The following MYCBP2 variants were observed in gnomAD, a reference collection of about 807,000 sequenced individuals.
MYCBP2 encodes the protein MYC binding protein 2.
A neutral mutation model predicts 525.3 loss-of-function variants in MYCBP2; 120 were observed. The observed-to-expected ratio is 0.23, with a 90% CI of 0.20 to 0.27. MYCBP2 has a LOEUF of 0.27. Among genes scored for constraint, MYCBP2 ranks in the 10% least tolerant of loss-of-function variants. MYCBP2 has a pLI of 1.00. For missense variants in MYCBP2, 4,149 were observed against 5,657.1 expected, an observed-to-expected ratio of 0.73 and a Z score of 8.55; for synonymous variants, 1,894 against 1,955.8, an observed-to-expected ratio of 0.97 and a Z score of 0.83.
chr13:77,165,442 A>G, intron 41 of MYCBP2, 51 bp from the exon 42 acceptor site: 1 of 1,344,946 alleles, frequency 7.4e-7, no homozygotes, highest in Non-Finnish European at 1.0e-6. Context: ...TTTTATAAAA[A>G]TTTCCCTGTC....
intron 65 of MYCBP2, among the ~76,000 whole-genome samples, chr13:77,080,344 G>A (rs1019848097): frequency 6.6e-6 from 1 of 152,236 alleles, no homozygotes; most frequent in East Asian, 1.9e-4. Context: ...TGGCACAGGA[G>A]AAGCCAGGCA....
chr13:77,210,201 T>TC (rs1347600264), intron 23 of MYCBP2, among the ~76,000 whole-genome samples: 5 of 151,640 alleles, frequency 3.3e-5, no homozygotes. Flanking sequence ...TAATTTTTTT[T>TC]TCTTTTTTTT....
chr13:77,051,939 G>C (rs755031984), intron 80 of MYCBP2, 21 bp from the exon 81 acceptor site: 37 of 1,594,158 alleles, frequency 2.3e-5, no homozygotes, highest in Non-Finnish European at 2.9e-5. Context: ...AACACATCTA[G>C]ATTACAGCAG....
chr13:77,321,901 C>T (rs1422836601), intron 1 of MYCBP2, among the ~76,000 whole-genome samples: 1 of 152,162 alleles, frequency 6.6e-6, no homozygotes, highest in South Asian at 2.1e-4. Context: ...TGGCTCACAC[C>T]CATAATCCCA....
At chr13:77,108,767 G>A (rs1040596616) in intron 55 of MYCBP2, among the ~76,000 whole-genome samples, 7 of 150,886 alleles carry the variant, frequency 4.6e-5, no homozygotes, top group East Asian at 1.9e-4. Flanking sequence ...GCAGAGGCAC[G>A]ATCTCAGCTC....
rs866554265 is a variant in MYCBP2, at chr13:77,070,328, G to T, written c.11904+303C>A. ...TACCAAGCTCATCCAACCTGCAGCC[G>T]GGGGACTGCCTGTGGCCCAGGATGG... On this transcript the variant is annotated intron_variant, in intron 69 of 82. Transcript: ENST00000544440. Among the ~76,000 whole-genome samples, 6 of 152,148 alleles carry T rather than the reference G, an allele frequency of 3.9e-5. No individual in the cohort carries two copies. The East Asian group carries it at 1.2e-3, about 29-fold the overall frequency.
chr13:77,187,932 G>T (rs1025076977), intron 30 of MYCBP2, among the ~76,000 whole-genome samples: 1 of 151,948 alleles, frequency 6.6e-6, no homozygotes, highest in East Asian at 1.9e-4. Context: ...TTAGCTGGGC[G>T]TGGTGGCAGG....
intron 55 of MYCBP2, among the ~76,000 whole-genome samples, chr13:77,109,473 G>A (rs1224305456): frequency 2.0e-5 from 3 of 152,190 alleles, no homozygotes; most frequent in African/African-American, 7.2e-5. Context: ...CTGTGGCCTG[G>A]GGGTTGGACA....
chr13:77,195,915 C>A (rs745759160), intron 26 of MYCBP2, among the ~76,000 whole-genome samples: 1 of 152,238 alleles, frequency 6.6e-6, no homozygotes, highest in Non-Finnish European at 1.5e-5. Flanking sequence ...TGTCCCCAAT[C>A]TGACTCCTGT....
intron 46 of MYCBP2, among the ~76,000 whole-genome samples, chr13:77,152,629 A>G (rs2056640509): frequency 6.6e-6 from 1 of 152,218 alleles, no homozygotes; most frequent in Non-Finnish European, 1.5e-5. Flanking sequence ...GCAACTGATG[A>G]GACGCGCGGC....
chr13:77,101,922 A>T (rs1040334483), intron 55 of MYCBP2, among the ~76,000 whole-genome samples: 2 of 152,014 alleles, frequency 1.3e-5, no homozygotes, highest in Admixed American at 6.6e-5. Context: ...TTTGCTAAAA[A>T]TCTTCAGACT....
intron 14 of MYCBP2, among the ~76,000 whole-genome samples, chr13:77,255,875 A>G (rs139348989): frequency 2.6e-5 from 4 of 152,034 alleles, no homozygotes; most frequent in Non-Finnish European, 5.9e-5. Context: ...TACTTTAACC[A>G]AAGTTCAACG....
At chr13:77,200,349 A>G (rs2062354478) in intron 26 of MYCBP2, among the ~76,000 whole-genome samples, 1 of 152,182 alleles carries the variant, frequency 6.6e-6, no homozygotes, top group Non-Finnish European at 1.5e-5. Context: ...AGAAAAAAGA[A>G]TAAAAAGAAA....
At chr13:77,168,046 C>A (rs2058726162) in intron 40 of MYCBP2, among the ~76,000 whole-genome samples, 1 of 152,068 alleles carries the variant, frequency 6.6e-6, no homozygotes, top group Non-Finnish European at 1.5e-5. Flanking sequence ...TTAAATCTTA[C>A]ATTGGGGTTG....
chr13:77,203,599 G>A (rs2062901676), intron 26 of MYCBP2, among the ~76,000 whole-genome samples: 2 of 152,126 alleles, frequency 1.3e-5, no homozygotes, highest in South Asian at 2.1e-4. Context: ...TCAATCCTAA[G>A]CCAAAAGAAC....
chr13:77,161,795 G>A (rs1363818717), intron 44 of MYCBP2, 111 bp downstream of exon 44: 28 of 763,238 alleles, frequency 3.7e-5, no homozygotes. Flanking sequence ...AATGAATAAA[G>A]TGAAGTACTT....
intron 26 of MYCBP2, among the ~76,000 whole-genome samples, chr13:77,202,598 G>T (rs549242147): frequency 2.2e-3 from 327 of 151,712 alleles, no homozygotes; most frequent in African/African-American, 7.6e-3. Flanking sequence ...CCAAAAAAGA[G>T]AATTTTAGAC....
intron 38 of MYCBP2, among the ~76,000 whole-genome samples, chr13:77,171,256 T>TA (rs2059117761): frequency 6.6e-6 from 1 of 152,244 alleles, no homozygotes; most frequent in African/African-American, 2.4e-5. Context: ...ATTTTTCTTT[T>TA]ACTAAATTAA....
At chr13:77,148,547 C>G (rs2055980860) in intron 47 of MYCBP2, among the ~76,000 whole-genome samples, 1 of 152,058 alleles carries the variant, frequency 6.6e-6, no homozygotes, top group Admixed American at 6.5e-5. Flanking sequence ...AAATTAGGTT[C>G]CACTGTCCTC....
Sources: allele counts gnomAD v4.1 joint callset (sites outside exome capture counted in the v4.1 genomes callset), GRCh38; gene constraint gnomAD v4.1.1; transcripts MANE v1.5; gene names NCBI Gene and HGNC (gene_info 2026-07-23, HGNC 2026-07-21).